The following SLC34A2 variants were observed in gnomAD, a reference collection of about 807,000 sequenced individuals.
SLC34A2 encodes the protein sodium-dependent phosphate transport protein 2B.
Under a neutral mutation model 50.8 loss-of-function variants are expected in SLC34A2, and 41 were observed. The ratio of observed to expected loss-of-function variants is 0.81; its 90% confidence interval spans 0.63 to 1.05. SLC34A2 has a LOEUF of 1.05. SLC34A2 is among the 50% of genes least tolerant of loss of function. The pLI, the probability that SLC34A2 is intolerant of heterozygous loss-of-function variation, is 0.00. For missense variants in SLC34A2, 879 were observed against 876.7 expected (o/e 1.00, Z -0.03); for synonymous variants, 401 against 364.2 (o/e 1.10, Z -1.15).
In SLC34A2 at chr4:25,671,624, C is replaced by T. The variant is rs1450302540; in HGVS notation, c.951C>T (p.Pro317=). The T allele has an allele frequency of 1.2e-6, 2 of 1,614,172 alleles. No homozygotes were observed. Among genetic ancestry groups the T allele is most frequent in the Non-Finnish European group, 1.7e-6 (2 of 1,180,038 alleles). ...AGACCCAGATTAACGTCACTGTTCC[C>T]TCGACTGCTAACTGCACCTCCCCTT... ...TNKTQINVTV[P]STANCTSPSL... is the part of the protein sequence containing the mutation. The change falls in exon 9 of 13, where the codon CCC becomes CCT. Residue 317 remains proline (P), a synonymous_variant. Transcript: ENST00000382051.
chr4:25,662,044 A>G (rs143361599), intron 1 of SLC34A2, among the ~76,000 whole-genome samples: 3,639 of 151,640 alleles, frequency 0.024, 125 homozygotes, highest in African/African-American at 0.083. Context: ...GCTAATTTTT[A>G]TATTTTTAGT....
intron 1 of SLC34A2, chr4:25,656,700 C>A (rs56926759): frequency 0.12 from 17,546 of 152,236 alleles, 1,187 homozygotes; most frequent in African/African-American, 0.15. Flanking sequence ...ACGGTGCCTG[C>A]CACCGGTGGC....
intron 1 of SLC34A2, among the ~76,000 whole-genome samples, chr4:25,659,623 A>G (rs1714075474): frequency 6.6e-6 from 1 of 152,052 alleles, no homozygotes; most frequent in Non-Finnish European, 1.5e-5. Context: ...TTATTAACCA[A>G]TTAGTCCTCA....
chr4:25,674,563 C>T lies in SLC34A2; in HGVS notation c.1392C>T (p.Gly464=), dbSNP rs758108666. Residue 464 remains glycine (G), a synonymous_variant, in exon 12 of 13, where the codon GGC becomes GGT. Coordinates refer to ENST00000382051, the MANE Select transcript of SLC34A2 (RefSeq NM_006424.3). Reference sequence around the variant, plus strand: ...CACTCACGCTGGGCTCCAACATCGGCACCACCACCACCGCCATCCTGGCCG... The same window carrying T: ...CACTCACGCTGGGCTCCAACATCGGTACCACCACCACCGCCATCCTGGCCG... ...AYPLTLGSNI[G]TTTTAILAAL... 7 of 1,614,182 alleles carry T rather than the reference C, an allele frequency of 4.3e-6. No homozygotes were observed. Among genetic ancestry groups the T allele is most frequent in the Non-Finnish European group, 5.9e-6 (7 of 1,180,008 alleles).
At chr4:25,675,971 G>A (rs1715085145) in intron 12 of SLC34A2, among the ~76,000 whole-genome samples, 164 bp from the exon 13 acceptor site, 1 of 152,212 alleles carries the variant, frequency 6.6e-6, no homozygotes. Flanking sequence ...AGGTCCTCAT[G>A]GAATCCAGGT....
At chr4:25,675,213 A>G (rs772025745) in intron 12 of SLC34A2, among the ~76,000 whole-genome samples, 5 of 152,068 alleles carry the variant, frequency 3.3e-5, no homozygotes, top group Non-Finnish European at 7.4e-5. Flanking sequence ...TTGTATTTTT[A>G]GTAGAGACGG....
At chr4:25,672,759 T>G (rs1415122870) in intron 9 of SLC34A2, among the ~76,000 whole-genome samples, 1 of 151,368 alleles carries the variant, frequency 6.6e-6, no homozygotes, top group Non-Finnish European at 1.5e-5. Flanking sequence ...AGCATACTTA[T>G]CATTAGTAAA....
chr4:25,657,540 A>C (rs937129782), intron 1 of SLC34A2, among the ~76,000 whole-genome samples: 1 of 152,184 alleles, frequency 6.6e-6, no homozygotes. Flanking sequence ...AGCACAACTG[A>C]TATAGTTACA....
chr4:25,669,926 T>C (rs999031269), intron 7 of SLC34A2, 84 bp downstream of exon 7: 9 of 1,221,460 alleles, frequency 7.4e-6, no homozygotes, highest in Non-Finnish European at 1.1e-5. Flanking sequence ...ATAGAGTGTC[T>C]ACAACACTAT....
At chr4:25,670,899 T>A (rs1714780245) in intron 8 of SLC34A2, 66 bp downstream of exon 8, 1 of 1,316,022 alleles carries the variant, frequency 7.6e-7, no homozygotes, top group Admixed American at 1.8e-5. Flanking sequence ...AAACTAAATC[T>A]TGCCTTCAAG....
At chr4:25,660,703 G>T (rs917469516) in intron 1 of SLC34A2, among the ~76,000 whole-genome samples, 3 of 152,026 alleles carry the variant, frequency 2.0e-5, no homozygotes, top group Non-Finnish European at 4.4e-5. Flanking sequence ...ATGCCACCAC[G>T]CCTGGCTAAT....
intron 11 of SLC34A2, 34 bp downstream of exon 11, chr4:25,674,446 C>G (rs1224305792): frequency 1.2e-6 from 2 of 1,614,212 alleles, no homozygotes; most frequent in Non-Finnish European, 8.5e-7. Context: ...CTCTGGCCAC[C>G]ACTGCCATTT....
chr4:25,676,358 C>T lies in SLC34A2; in HGVS notation c.1682C>T (p.Pro561Leu). The T allele has an allele frequency of 6.2e-7, 1 of 1,614,188 alleles. No homozygotes were observed. Among genetic ancestry groups the T allele is most frequent in the Non-Finnish European group, 8.5e-7 (1 of 1,180,042 alleles). Residue 561 changes from proline to leucine, a missense_variant, in exon 13 of 13, where the codon CCC (proline) becomes CTC (leucine). Transcript: ENST00000382051. ...GWRVLVGVGV[P>L]VVFIIILVLC... The stretch of plus-strand genomic sequence containing the variant: ...CGGGTGCTGGTTGGTGTCGGGGTTC[C>T]CGTCGTCTTCATCATCATCCTGGTA...
chr4:25,673,231 T>C lies in SLC34A2; in HGVS notation c.1193T>C (p.Val398Ala). Reference sequence around the variant, plus strand: ...GTGCTCAAGGGGCAGGTCGCCACTGTCATCAAGAAGACCATCAACACTGGT... The same window carrying C: ...GTGCTCAAGGGGCAGGTCGCCACTGCCATCAAGAAGACCATCAACACTGGT... ...GSVLKGQVAT[V>A]IKKTINTDFP... The change falls in exon 10 of 13, where the codon GTC (valine) becomes GCC (alanine). Residue 398 changes from valine to alanine, a missense_variant. Val to Ala is a moderately conservative substitution (Grantham distance 64). Transcript: ENST00000382051. 1 of 1,613,950 alleles carries C rather than the reference T, an allele frequency of 6.2e-7. No homozygotes were observed. Among genetic ancestry groups the C allele is most frequent in the Non-Finnish European group, 8.5e-7 (1 of 1,180,032 alleles).
chr4:25,677,796 A>C lies in SLC34A2; in HGVS notation c.*1047A>C, dbSNP rs1322299609. 6.6e-6 allele frequency: 1 copy of C among 152,160 alleles called. No individual in the cohort carries two copies. Among genetic ancestry groups the C allele is most frequent in the African/African-American group, 2.4e-5 (1 of 41,410 alleles). 9.4% of individuals were successfully genotyped at this position (152,160 alleles called of 1,614,324 possible). Reference sequence around the variant, plus strand: ...CTGTGCAAGATGACTTCCTGGGTTAACTTCCTTCTTTCCATCCACCCACCC... The same window carrying C: ...CTGTGCAAGATGACTTCCTGGGTTACCTTCCTTCTTTCCATCCACCCACCC... On this transcript the variant is annotated 3_prime_UTR_variant, in exon 13 of 13. Coordinates refer to ENST00000382051, the MANE Select transcript of SLC34A2 (RefSeq NM_006424.3).
At chr4:25,657,044 A>G (rs1182307285) in intron 1 of SLC34A2, among the ~76,000 whole-genome samples, 1 of 152,186 alleles carries the variant, frequency 6.6e-6, no homozygotes, top group Non-Finnish European at 1.5e-5. Context: ...CCCGCTGATC[A>G]TGATCTTCTC....
chr4:25,674,592 T>C lies in SLC34A2; in HGVS notation c.1421T>C (p.Leu474Ser). ...ACCACCACCGCCATCCTGGCCGCCT[T>C]AGCCAGCCCTGGCAATGCATTGAGG... The part of the protein sequence containing the change: ...GTTTTAILAA[L>S]ASPGNALRSS... The change falls in exon 12 of 13, where the codon TTA becomes TCA. Residue 474 changes from leucine to serine, a missense_variant. By Grantham distance (145) the Leu-to-Ser change is moderately radical. Transcript: ENST00000382051. 6.2e-7 allele frequency: 1 copy of C among 1,614,214 alleles called. No individual in the cohort carries two copies. The highest frequency in any genetic ancestry group is 1.7e-5 in the Admixed American group (1 of 60,022).
At chr4:25,674,711 G>A in intron 12 of SLC34A2, 82 bp downstream of exon 12, 3 of 1,578,836 alleles carry the variant, frequency 1.9e-6, no homozygotes, top group Non-Finnish European at 2.6e-6. Flanking sequence ...ACAAGAGCCA[G>A]GCTTTTCTCT....
Position 25,677,139 on chromosome 4 carries a change from G to A in SLC34A2, c.*390G>A, listed in dbSNP as rs187843928. ...TGTATGAGAGGCTCTCCCAGATGAG[G>A]AAGTGTACTCTCTATGACTATCAAG... On this transcript the variant is annotated 3_prime_UTR_variant, in exon 13 of 13. Coordinates refer to ENST00000382051, the MANE Select transcript of SLC34A2 (RefSeq NM_006424.3). 720 of 263,020 alleles carry A rather than the reference G, an allele frequency of 2.7e-3. 11 individuals carry two copies. The highest frequency in any genetic ancestry group is 0.015 in the African/African-American group (678 of 46,124). 16.3% of individuals were successfully genotyped at this position (263,020 alleles called of 1,614,324 possible).
Sources: allele counts gnomAD v4.1 joint callset (sites outside exome capture counted in the v4.1 genomes callset), GRCh38; gene constraint gnomAD v4.1.1; transcripts MANE v1.5; gene names NCBI Gene and HGNC (gene_info 2026-07-23, HGNC 2026-07-21).